The following ZNF723 variants were observed in gnomAD, a reference collection of about 807,000 sequenced individuals.
The protein encoded by ZNF723 is zinc finger protein 723, pseudogene.
Under a neutral mutation model 9.4 loss-of-function variants are expected in ZNF723, and 5 were observed. The ratio of observed to expected loss-of-function variants is 0.53; its 90% CI spans 0.28 to 1.12. The LOEUF is 1.12. Among genes scored for constraint, ZNF723 ranks in the 50% most tolerant of loss-of-function variants. The probability of loss-of-function intolerance (pLI) is 0.10; values close to 1 mark genes in which losing one functional copy is unlikely to be tolerated. For synonymous variants in ZNF723, 158 were observed against 168.8 expected, an observed-to-expected ratio of 0.94 and a Z score of 0.49; for missense variants, 450 against 501.5, an observed-to-expected ratio of 0.90 and a Z score of 0.98.
At chr19:22,820,654 G>A in the ZNF723 span, among the ~76,000 whole-genome samples, 3 of 152,102 alleles carry the variant, frequency 2.0e-5, no homozygotes, top group Non-Finnish European at 4.4e-5. Context: ...AAGATCCTGG[G>A]TCTCCTGTTT....
chr19:22,816,016 G>T, the ZNF723 span, among the ~76,000 whole-genome samples: 2 of 152,178 alleles, frequency 1.3e-5, no homozygotes, highest in Non-Finnish European at 2.9e-5. Context: ...ATTCTGGCAG[G>T]TTAAATCTCT....
chr19:22,819,479 A>G, the ZNF723 span, among the ~76,000 whole-genome samples: 1 of 152,136 alleles, frequency 6.6e-6, no homozygotes, highest in African/African-American at 2.4e-5. Context: ...CCTAGGTGAT[A>G]TGACTATAGT....
chr19:22,857,793 A>G lies in ZNF723; in HGVS notation c.902A>G (p.Asn301Ser). ...GKAFNVFSSL[N>S]NHKRIHTGEK... ...GCCTTTAATGTGTTCTCAAGCCTTA[A>G]TAATCATAAGAGAATTCATACTGGA... is the stretch of plus-strand genomic sequence containing the variant. Residue 301 changes from asparagine (N) to serine (S), a missense_variant, in exon 4 of 4, where the codon AAT becomes AGT. Coordinates refer to ENST00000600766, the MANE Select transcript of ZNF723 (RefSeq NM_001349726.2). 1 of 1,359,238 alleles carries G rather than the reference A, an allele frequency of 7.4e-7. No individual in the cohort carries two copies. Among genetic ancestry groups the G allele is most frequent in the Admixed American group, 1.7e-5 (1 of 59,450 alleles). The allele number at this position is 1,359,238 out of a possible 1,614,324, so 84.2% of individuals were successfully genotyped here.
At chr19:22,828,292 C>G (rs382311), upstream of ZNF723, among the ~76,000 whole-genome samples, 56,472 of 151,822 alleles carry the variant, frequency 0.37, 10,959 homozygotes, top group African/African-American at 0.51. Flanking sequence ...ATTGAGAGTG[C>G]CACTAAGGCC....
chr19:22,817,690 C>G, the ZNF723 span, among the ~76,000 whole-genome samples: 1 of 152,142 alleles, frequency 6.6e-6, no homozygotes, highest in South Asian at 2.1e-4. Flanking sequence ...TATCTTTGCC[C>G]AGCTCATAGG....
intron 3 of ZNF723, among the ~76,000 whole-genome samples, chr19:22,855,478 C>T (rs114282788): frequency 0.013 from 2,040 of 152,148 alleles, 40 homozygotes; most frequent in African/African-American, 0.046. Context: ...ATCCATCTGC[C>T]GTGGCCTCCC....
intron 1 of ZNF723, among the ~76,000 whole-genome samples, chr19:22,840,203 C>T (rs369286262): frequency 7.3e-5 from 11 of 151,678 alleles, no homozygotes; most frequent in Admixed American, 2.0e-4. Flanking sequence ...GACGGAGTTT[C>T]GCTCATTGCC....
At chr19:22,838,714 T>G (rs990312014) in intron 1 of ZNF723, among the ~76,000 whole-genome samples, 1 of 151,884 alleles carries the variant, frequency 6.6e-6, no homozygotes, top group Non-Finnish European at 1.5e-5. Flanking sequence ...TTTTTCTTTT[T>G]ATATAAATAT....
chr19:22,848,420 A>G (rs1319933783), intron 2 of ZNF723, 33 bp downstream of exon 2: 1 of 1,283,428 alleles, frequency 7.8e-7, no homozygotes, highest in African/African-American at 1.5e-5. Context: ...ATCCTCAGAT[A>G]CTGTAAATGT....
chr19:22,817,499 C>T, the ZNF723 span, among the ~76,000 whole-genome samples: 2 of 151,920 alleles, frequency 1.3e-5, no homozygotes, highest in African/African-American at 4.8e-5. Flanking sequence ...GGTGAGGTGT[C>T]TGTCCTGCTT....
chr19:22,831,147 A>C (rs1416339466), upstream of ZNF723, among the ~76,000 whole-genome samples: 4 of 152,218 alleles, frequency 2.6e-5, no homozygotes, highest in Non-Finnish European at 1.5e-5. Context: ...AATCTGTTTT[A>C]CAAAGCTTAA....
chr19:22,845,863 A>G (rs944613539), intron 1 of ZNF723, among the ~76,000 whole-genome samples: 5 of 148,344 alleles, frequency 3.4e-5, no homozygotes, highest in Non-Finnish European at 3.0e-5. Context: ...AATCCCAGAG[A>G]AGGAGGAGAT....
intron 3 of ZNF723, among the ~76,000 whole-genome samples, chr19:22,855,605 T>A (rs765292130): frequency 7.2e-5 from 11 of 152,208 alleles, no homozygotes; most frequent in Non-Finnish European, 1.3e-4. Context: ...GCACATGCAG[T>A]GCCAATATAC....
rs758271983 is a variant in ZNF723, at chr19:22,858,501, C to T, written c.*68C>T. 1 of 605,146 alleles carries T rather than the reference C, an allele frequency of 1.7e-6. No homozygotes were observed. The highest frequency in any genetic ancestry group is 2.9e-6 in the Non-Finnish European group (1 of 347,694). The allele number at this position is 605,146 out of a possible 1,614,324, so 37.5% of individuals were successfully genotyped here. On this transcript the variant is annotated 3_prime_UTR_variant, in exon 4 of 4. Coordinates refer to ENST00000600766, the MANE Select transcript of ZNF723 (RefSeq NM_001349726.2). ...AAATGCTGGTGGCCAGGCACAGTAG[C>T]TTACGCCTGTAATCCCAGCACTTTG... is the stretch of plus-strand genomic sequence containing the variant.
In ZNF723 at chr19:22,849,230, T is replaced by A; in HGVS notation, c.163T>A (p.Cys55Ser). The change falls in exon 3 of 4, where the codon TGT becomes AGT. Residue 55 changes from cysteine to serine, a missense_variant. By Grantham distance (112) the Cys-to-Ser change is moderately radical. Around this residue, in one of 5 missense-constraint regions of ZNF723, gnomAD observed 143 missense variants for 101.3 expected, o/e 1.41. Transcript: ENST00000600766. ...VGVSKPDLIT[C>S]LEQGKEPWNM... Reference sequence around the variant, plus strand: ...TGTCTCTAAGCCAGATTTAATCACCTGTCTGGAGCAAGGAAAAGAGCCCTG... The same window carrying A: ...TGTCTCTAAGCCAGATTTAATCACCAGTCTGGAGCAAGGAAAAGAGCCCTG... The A allele has an allele frequency of 1.5e-6, 1 of 650,862 alleles. No homozygotes were observed. Among genetic ancestry groups the A allele is most frequent in the Non-Finnish European group, 2.8e-6 (1 of 357,442 alleles). 40.3% of individuals were successfully genotyped at this position (650,862 alleles called of 1,614,324 possible).
chr19:22,848,466 T>C (rs1967345473), intron 2 of ZNF723, 79 bp downstream of exon 2: 2 of 1,090,418 alleles, frequency 1.8e-6, no homozygotes, highest in Non-Finnish European at 2.7e-6. Context: ...TTTTTGGTAA[T>C]TGATGCTTTG....
chr19:22,835,548 C>T (rs926598925), intron 1 of ZNF723, among the ~76,000 whole-genome samples: 1 of 151,784 alleles, frequency 6.6e-6, no homozygotes, highest in Non-Finnish European at 1.5e-5. Flanking sequence ...GTTTGTTTTT[C>T]CCAGAATGAG....
rs559813615 is a variant in ZNF723 at position 22,853,660 on chromosome 19, G to A, written c.227-3458G>A. ...TTTATCTGAGACAGAGCCTTGCTCT[G>A]TCACCCAGGCTGGAGTGCAATGGCC... On this transcript the variant is annotated intron_variant, in intron 3 of 3. Coordinates refer to ENST00000600766, the MANE Select transcript of ZNF723 (RefSeq NM_001349726.2). 4.1e-4 allele frequency among the ~76,000 whole-genome samples: 63 copies of A among 152,204 alleles called. 1 individual carries two copies. The South Asian group carries it at 0.011, about 27-fold the overall frequency.
chr19:22,845,477 G>C (rs1967295810), intron 1 of ZNF723, among the ~76,000 whole-genome samples: 1 of 151,702 alleles, frequency 6.6e-6, no homozygotes, highest in African/African-American at 2.4e-5. Context: ...ATGAGGGGTT[G>C]AAGATACACT....
Sources: allele counts gnomAD v4.1 joint callset (sites outside exome capture counted in the v4.1 genomes callset), GRCh38; gene constraint gnomAD v4.1.1; regional missense constraint gnomAD v4.1.1; transcripts MANE v1.5; gene names NCBI Gene and HGNC (gene_info 2026-07-23, HGNC 2026-07-21).